The following FAM13B variants were observed in gnomAD, a reference collection of about 807,000 sequenced individuals.
The protein encoded by FAM13B is protein FAM13B.
Under a neutral mutation model 117.3 loss-of-function variants are expected in FAM13B, and 60 were observed. The observed-to-expected ratio is 0.51, with a 90% confidence interval of 0.42 to 0.63. The LOEUF is 0.63. Among genes scored for constraint, FAM13B ranks in the 30% least tolerant of loss-of-function variants. The probability of loss-of-function intolerance (pLI) is 0.00; values close to 1 mark genes in which losing one functional copy is unlikely to be tolerated. For synonymous variants in FAM13B, 332 were observed against 356.1 expected (o/e 0.93, Z 0.76); for missense variants, 972 against 1,091.9 (o/e 0.89, Z 1.55).
In FAM13B at chr5:137,938,529, T is replaced by C. The variant is rs1156371950; in HGVS notation, c.*1696A>G. On this transcript the variant is annotated 3_prime_UTR_variant, in exon 24 of 24. Transcript: ENST00000689681. ...ATCTTTTGGTATTTTCAATTTCACT[T>C]TTCTAGGTATACATTATGAATAACC... 1 of 152,588 alleles carries C rather than the reference T, an allele frequency of 6.6e-6. No homozygotes were observed. The highest frequency in any genetic ancestry group is 1.5e-5 in the Non-Finnish European group (1 of 68,038). The allele number at this position is 152,588 out of a possible 1,614,324, so 9.5% of individuals were successfully genotyped here. A position where few individuals can be genotyped will look rare whatever the true frequency, so the allele number is the denominator to read the frequency against.
intron 18 of FAM13B, among the ~76,000 whole-genome samples, chr5:137,948,586 G>A (rs955181762): frequency 6.6e-6 from 1 of 151,928 alleles, no homozygotes; most frequent in African/African-American, 2.4e-5. Context: ...GTAGAGACAG[G>A]GTCTCACTTT....
chr5:138,039,983 C>A (rs1335349251), intron 1 of FAM13B: 1 of 152,090 alleles, frequency 6.6e-6, no homozygotes, highest in African/African-American at 2.4e-5. Context: ...AGAAACCAAC[C>A]TGGCCGGGCA....
At position 138,021,074 on chromosome 5, in the gene FAM13B, C is replaced by G; in HGVS notation, c.-79G>C. ...CTAAGTTTAAAAAATGGCTTCTGCACCAGCTACCCTCACTGAGCAAGCATT... is the reference window on the plus strand; with the variant it reads ...CTAAGTTTAAAAAATGGCTTCTGCAGCAGCTACCCTCACTGAGCAAGCATT... On this transcript the variant is annotated 5_prime_UTR_variant, in exon 2 of 24. Coordinates refer to ENST00000689681, the MANE Select transcript of FAM13B (RefSeq NM_001385994.1). The G allele has an allele frequency of 8.1e-7, 1 of 1,231,642 alleles. No individual in the cohort carries two copies. 76.3% of individuals were successfully genotyped at this position (1,231,642 alleles called of 1,614,324 possible). A position where few individuals can be genotyped will look rare whatever the true frequency, so the allele number is the denominator to read the frequency against.
Position 137,948,989 on chromosome 5 carries a change from T to C in FAM13B, c.2126A>G (p.Lys709Arg). Residue 709 changes from lysine to arginine, a missense_variant, in exon 18 of 24, where the codon AAA becomes AGA. Physicochemically the swap from Lys to Arg is conservative, Grantham distance 26. Coordinates refer to ENST00000689681, the MANE Select transcript of FAM13B (RefSeq NM_001385994.1). ...LELILKRLKE[K>R]RIERCLPEDI... ...TTCTGGAAGACACCTCTCAATACGT[T>C]TTTCTTTCAGTCTTTTAAGAATAAG... is the stretch of plus-strand genomic sequence containing the variant. 1 of 1,613,892 alleles carries C rather than the reference T, an allele frequency of 6.2e-7. No homozygotes were observed. The highest frequency in any genetic ancestry group is 1.3e-5 in the African/African-American group (1 of 75,030).
intron 7 of FAM13B, among the ~76,000 whole-genome samples, chr5:137,989,751 C>G (rs961673572): frequency 1.3e-5 from 2 of 152,082 alleles, no homozygotes; most frequent in Non-Finnish European, 2.9e-5. Flanking sequence ...TCGCTTGAGC[C>G]CAGGGAGGTT....
At chr5:138,011,687 G>C (rs1244277336) in intron 5 of FAM13B, 81 bp downstream of exon 5, 23 of 973,348 alleles carry the variant, frequency 2.4e-5, no homozygotes, top group Non-Finnish European at 3.2e-5. Flanking sequence ...CAAAGTGCTG[G>C]GATTACAGGC....
chr5:137,988,362 T>C (rs772687852), intron 7 of FAM13B, 47 bp from the exon 8 acceptor site: 5 of 1,474,676 alleles, frequency 3.4e-6, no homozygotes, highest in Non-Finnish European at 3.7e-6. Context: ...CAATACTTAA[T>C]AACTACAAAA....
rs1333612100 is a variant in FAM13B, at chr5:137,987,531, G to A, written c.976C>T (p.Gln326Ter). 2 of 1,613,486 alleles carry A rather than the reference G, an allele frequency of 1.2e-6. No individual in the cohort carries two copies. The highest frequency in any genetic ancestry group is 1.7e-6 in the Non-Finnish European group (2 of 1,179,660). Reference protein sequence around the residue: ...SSIDHDLKNLQQQSVVCNNEA... With the variant: ...SSIDHDLKNL ...TTATTACACACCACACTTTGCTGTT[G>A]TAAATTCTTAAGATCATGATCTATG... The change falls in exon 9 of 24, where the codon CAA becomes TAA. Residue 326 changes from glutamine (Q) to a stop codon, truncating the protein, a stop_gained. Coordinates refer to ENST00000689681, the MANE Select transcript of FAM13B (RefSeq NM_001385994.1). LOFTEE classifies it high-confidence loss of function.
At chr5:137,942,799 C>T (rs1762249659) in intron 22 of FAM13B, 76 bp downstream of exon 22, 10 of 1,298,682 alleles carry the variant, frequency 7.7e-6, no homozygotes, top group Non-Finnish European at 1.1e-5. Flanking sequence ...TTCCTTAATA[C>T]TCATTTAACA....
intron 2 of FAM13B, chr5:138,019,996 A>G (rs1409586188): frequency 2.0e-6 from 2 of 980,294 alleles, no homozygotes; most frequent in East Asian, 2.3e-4. Context: ...CATTTTTATA[A>G]AAAAGAAATT....
At chr5:138,006,808 T>G (rs1311571731) in intron 7 of FAM13B, among the ~76,000 whole-genome samples, 182 bp downstream of exon 7, 1 of 152,224 alleles carries the variant, frequency 6.6e-6, no homozygotes, top group East Asian at 1.9e-4. Context: ...AAAAAGGTAT[T>G]AACACTAATA....
At chr5:138,041,544 T>TA (rs1791500695) in intron 1 of FAM13B, among the ~76,000 whole-genome samples, 1 of 152,120 alleles carries the variant, frequency 6.6e-6, no homozygotes, top group African/African-American at 2.4e-5. Context: ...TAAAAATGGA[T>TA]AAAAAATGTT....
intron 17 of FAM13B, among the ~76,000 whole-genome samples, chr5:137,951,550 T>C (rs893353125): frequency 1.1e-4 from 16 of 152,126 alleles, no homozygotes; most frequent in African/African-American, 3.6e-4. Flanking sequence ...TCCTAGCTAC[T>C]CTTGAGGCTG....
chr5:137,968,795 G>C (rs758745978), intron 10 of FAM13B, among the ~76,000 whole-genome samples: 1 of 152,220 alleles, frequency 6.6e-6, no homozygotes, highest in African/African-American at 2.4e-5. Context: ...TGCCTCACTC[G>C]GGAAGCGCAA....
intron 7 of FAM13B, among the ~76,000 whole-genome samples, chr5:138,004,086 T>C (rs1002667377): frequency 6.6e-6 from 1 of 151,850 alleles, no homozygotes; most frequent in African/African-American, 2.4e-5. Flanking sequence ...CTGGCCAACA[T>C]GGTGAAATCC....
intron 10 of FAM13B, among the ~76,000 whole-genome samples, chr5:137,982,005 C>T (rs565969211): frequency 3.3e-5 from 5 of 152,176 alleles, no homozygotes; most frequent in Non-Finnish European, 7.3e-5. Context: ...TTAGCTGTCT[C>T]AATCCTGACT....
At chr5:138,022,153 TGTTAA>T (rs1465296036) in intron 1 of FAM13B, among the ~76,000 whole-genome samples, 31 of 151,880 alleles carry the variant, frequency 2.0e-4, no homozygotes, top group African/African-American at 7.2e-4. Flanking sequence ...CCTGTACAGC[TGTTAA>T]GTTTAGTTTA....
In FAM13B at chr5:137,950,176, T is replaced by C. The variant is rs73299216; in HGVS notation, c.1931-992A>G. Reference sequence around the variant, plus strand: ...AGTAAAATAACTTTAAAGAATGCTATGATCTATAGGTAAAACAGGGTAGAG... The same window carrying C: ...AGTAAAATAACTTTAAAGAATGCTACGATCTATAGGTAAAACAGGGTAGAG... On this transcript the variant is annotated intron_variant, in intron 17 of 23. Transcript: ENST00000689681. Among the ~76,000 whole-genome samples, 382 of 152,330 alleles carry C rather than the reference T, an allele frequency of 2.5e-3. 4 individuals are homozygous for C. The highest frequency in any genetic ancestry group is 8.9e-3 in the African/African-American group (369 of 41,584).
chr5:137,947,627 G>A (rs1763804397), intron 18 of FAM13B, among the ~76,000 whole-genome samples: 1 of 151,858 alleles, frequency 6.6e-6, no homozygotes, highest in Admixed American at 6.6e-5. Context: ...TGTTGCCCAG[G>A]CTTGAGTGCA....
Sources: gnomAD v4.1 joint callset for allele counts (sites outside exome capture counted in the v4.1 genomes callset) on GRCh38, gnomAD v4.1.1 for gene constraint, MANE v1.5 for transcripts, NCBI Gene and HGNC (gene_info 2026-07-23, HGNC 2026-07-21) for gene names.